Variants in ATP2A2 observed in about 807,000 individuals in gnomAD.
ATP2A2 encodes the protein ATPase sarcoplasmic/endoplasmic reticulum Ca2+ transporting 2, also known as sarcoplasmic/endoplasmic reticulum calcium ATPase 2.
ATP2A2 carries 14 observed loss-of-function variants against 109.3 expected under a neutral mutation model. The ratio of observed to expected loss-of-function variants is 0.13; its 90% CI spans 0.08 to 0.20. The LOEUF is 0.20. ATP2A2 is among the 10% of genes least tolerant of loss of function. The probability of loss-of-function intolerance (pLI) is 1.00; values close to 1 mark genes in which losing one functional copy is unlikely to be tolerated. For missense variants in ATP2A2, 657 were observed against 1,321.6 expected (o/e 0.50, Z 7.80); for synonymous variants, 506 against 490.9 (o/e 1.03, Z -0.41).
At chr12:110,344,519 T>G (rs1241905230) in intron 16 of ATP2A2, among the ~76,000 whole-genome samples, 1 of 152,128 alleles carries the variant, frequency 6.6e-6, no homozygotes, top group Non-Finnish European at 1.5e-5. Flanking sequence ...TGTAATCTAG[T>G]CCCTCAAACT....
At chr12:110,317,657 T>A (rs1221996913) in intron 5 of ATP2A2, among the ~76,000 whole-genome samples, 1 of 152,142 alleles carries the variant, frequency 6.6e-6, no homozygotes, top group African/African-American at 2.4e-5. Context: ...GGATTACAGG[T>A]GTGAGCCACC....
Position 110,281,300 on chromosome 12 carries a change from GCA to G in ATP2A2, c.-489_-488del, listed in dbSNP as rs1404143096. ...CGACGCCACCTCCTTTTCCTTCGCC[GCA>G]GTTTCCTCCGCCGCTGTCGGGCGTG... On this transcript the variant is annotated 5_prime_UTR_variant, in exon 1 of 20. Transcript: ENST00000539276. 1 of 151,598 alleles carries G rather than the reference GCA, an allele frequency of 6.6e-6. No homozygotes were observed. Among genetic ancestry groups the G allele is most frequent in the Non-Finnish European group, 1.5e-5 (1 of 67,870 alleles). 9.4% of individuals were successfully genotyped at this position (151,598 alleles called of 1,614,324 possible).
At position 110,348,604 on chromosome 12, in the gene ATP2A2, T is replaced by C. The variant is rs1880107298; in HGVS notation, c.*2134T>C. ...GTCCGTGGTTGGGTGTGGTGGCTCA[T>C]GCCTGTAAGTAAGTCTCAGCCCTTT... On this transcript the variant is annotated 3_prime_UTR_variant, in exon 20 of 20. Transcript: ENST00000539276. The C allele has an allele frequency of 4.1e-6, 4 of 985,440 alleles. No individual in the cohort carries two copies. The highest frequency in any genetic ancestry group is 4.8e-6 in the Non-Finnish European group (4 of 830,002). The allele number at this position is 985,440 out of a possible 1,614,324, so 61.0% of individuals were successfully genotyped here.
chr12:110,336,479 TG>T (rs1878857390), intron 11 of ATP2A2, among the ~76,000 whole-genome samples: 1 of 152,058 alleles, frequency 6.6e-6, no homozygotes. Context: ...CAGCCTGAGT[TG>T]GGAGGGAGCA....
Position 110,297,583 on chromosome 12 carries a change from C to T in ATP2A2, c.463+846C>T, listed in dbSNP as rs138287635. Among the ~76,000 whole-genome samples, 11 of 152,116 alleles carry T rather than the reference C, an allele frequency of 7.2e-5. 1 individual carries two copies. In the East Asian group the frequency reaches 2.1e-3, roughly 29 times the overall value. On this transcript the variant is annotated intron_variant, in intron 5 of 19. Coordinates refer to ENST00000539276, the MANE Select transcript of ATP2A2 (RefSeq NM_170665.4). Reference sequence around the variant, plus strand: ...TCCACAGACCTCCAAGGGTCAGTATCCTCACTGCTGTAGATTAGTGCTGTT... The same window carrying T: ...TCCACAGACCTCCAAGGGTCAGTATTCTCACTGCTGTAGATTAGTGCTGTT...
In ATP2A2 at chr12:110,340,661, C is replaced by G; in HGVS notation, c.1764C>G (p.Thr588=). 2 of 1,614,056 alleles carry G rather than the reference C, an allele frequency of 1.2e-6. No homozygotes were observed. Among genetic ancestry groups the G allele is most frequent in the Non-Finnish European group, 1.7e-6 (2 of 1,180,020 alleles). ...EDSANFIKYE[T]NLTFVGCVGM... ...TTAAAGTGATGCTCTTATTTTAGAC[C>G]AATCTGACCTTCGTTGGCTGCGTGG... The change falls in exon 14 of 20, where the codon ACC becomes ACG. Residue 588 remains threonine, a splice_region_variant and synonymous_variant. Coordinates refer to ENST00000539276, the MANE Select transcript of ATP2A2 (RefSeq NM_170665.4). The surrounding 1 kb of genome is among the most constrained non-coding windows in gnomAD (Gnocchi z 6.0).
chr12:110,293,864 G>GTGTATATATATATATATA (rs1262234570), intron 4 of ATP2A2, among the ~76,000 whole-genome samples: 1 of 84,890 alleles, frequency 1.2e-5, no homozygotes, highest in African/African-American at 6.4e-5. Flanking sequence ...GTGTGTGTGT[G>GTGTATATATATATATATA]TATATATTTT....
chr12:110,326,576 G>A, intron 7 of ATP2A2, 101 bp downstream of exon 7: 3 of 1,111,152 alleles, frequency 2.7e-6, no homozygotes, highest in Non-Finnish European at 2.6e-6. Flanking sequence ...TCATTCTAAA[G>A]GATAATCACA....
At chr12:110,324,562 T>G (rs1443305627) in intron 6 of ATP2A2, among the ~76,000 whole-genome samples, 1 of 152,144 alleles carries the variant, frequency 6.6e-6, no homozygotes, top group East Asian at 1.9e-4. Flanking sequence ...TCTGGGATTA[T>G]AGGCGTGCGC....
rs960166182 is a variant in ATP2A2, at chr12:110,281,589, G to T, written c.-201G>T. 4 of 354,776 alleles carry T rather than the reference G, an allele frequency of 1.1e-5. No homozygotes were observed. The highest frequency in any genetic ancestry group is 4.4e-5 in the African/African-American group (2 of 45,866). 22.0% of individuals were successfully genotyped at this position (354,776 alleles called of 1,614,324 possible). On this transcript the variant is annotated 5_prime_UTR_variant, in exon 1 of 20. Coordinates refer to ENST00000539276, the MANE Select transcript of ATP2A2 (RefSeq NM_170665.4). ...CCCCAACCCGCCCTGCGGAGCTCGG[G>T]GCCGCGCGAGGGGCGGTTGTCTGGG...
intron 3 of ATP2A2, among the ~76,000 whole-genome samples, chr12:110,286,709 A>C (rs2137685407): frequency 6.6e-6 from 1 of 151,412 alleles, no homozygotes; most frequent in African/African-American, 2.4e-5. Flanking sequence ...TTAAAAAAAA[A>C]AAAAAACTTG....
rs899022096 is a variant in ATP2A2 at position 110,325,137 on chromosome 12, A to T, written c.545-1253A>T. 4.0e-5 allele frequency among the ~76,000 whole-genome samples: 6 copies of T among 151,856 alleles called. 1 individual carries two copies. Among genetic ancestry groups the T allele is most frequent in the South Asian group, 4.2e-4 (2 of 4,808 alleles). On this transcript the variant is annotated intron_variant, in intron 6 of 19. Coordinates refer to ENST00000539276, the MANE Select transcript of ATP2A2 (RefSeq NM_170665.4). Reference sequence around the variant, plus strand: ...CTATAATAAAAAACTTTAAAAGTTTAAAAAAAAATTTAAACTTCATAGAGG... The same window carrying T: ...CTATAATAAAAAACTTTAAAAGTTTTAAAAAAAATTTAAACTTCATAGAGG...
At position 110,327,841 on chromosome 12, in the gene ATP2A2, A is replaced by G. The variant is rs1877956692; in HGVS notation, c.919A>G (p.Ile307Val). Residue 307 changes from isoleucine (I) to valine (V), a missense_variant, in exon 8 of 20, where the codon ATT becomes GTT. Coordinates refer to ENST00000539276, the MANE Select transcript of ATP2A2 (RefSeq NM_170665.4). The surrounding 1 kb of genome is among the most constrained non-coding windows in gnomAD (Gnocchi z 4.4). ...TGCAGTGGCCCTGGCTGTAGCAGCC[A>G]TTCCTGAAGGTCTGCCTGCAGTCAT... is the stretch of plus-strand genomic sequence containing the variant. ...KIAVALAVAA[I>V]PEGLPAVITT... 6.2e-7 allele frequency: 1 copy of G among 1,614,064 alleles called. No individual in the cohort carries two copies. Among genetic ancestry groups the G allele is most frequent in the African/African-American group, 1.3e-5 (1 of 74,914 alleles).
intron 11 of ATP2A2, among the ~76,000 whole-genome samples, chr12:110,336,386 G>A (rs1878847738): frequency 6.6e-6 from 1 of 152,182 alleles, no homozygotes; most frequent in Non-Finnish European, 1.5e-5. Context: ...CACGTTTAAT[G>A]CTTTTTGTAT....
rs1880173405 is a variant in ATP2A2, at chr12:110,349,225, C to A, written c.*2755C>A. ...CCTCCTCAGGTCAACCCATAAAGACCAGGTCCAGCACCGTGGTCTTGGCAC... is the reference window on the plus strand; with the variant it reads ...CCTCCTCAGGTCAACCCATAAAGACAAGGTCCAGCACCGTGGTCTTGGCAC... On this transcript the variant is annotated 3_prime_UTR_variant, in exon 20 of 20. Transcript: ENST00000539276. 42 of 985,568 alleles carry A rather than the reference C, an allele frequency of 4.3e-5. No individual in the cohort carries two copies. The highest frequency in any genetic ancestry group is 4.9e-5 in the Non-Finnish European group (41 of 830,018). The allele number at this position is 985,568 out of a possible 1,614,324, so 61.1% of individuals were successfully genotyped here.
At chr12:110,325,776 G>A (rs987318370) in intron 6 of ATP2A2, 5 of 156,622 alleles carry the variant, frequency 3.2e-5, no homozygotes, top group Non-Finnish European at 7.1e-5. Context: ...TTGAGTCCAC[G>A]AGTTGGAGAC....
intron 4 of ATP2A2, among the ~76,000 whole-genome samples, chr12:110,294,875 A>G (rs1056706917): frequency 4.6e-5 from 7 of 151,866 alleles, no homozygotes; most frequent in Non-Finnish European, 8.8e-5. Flanking sequence ...GCTGGAGTGC[A>G]GTGGCACGAT....
intron 5 of ATP2A2, among the ~76,000 whole-genome samples, chr12:110,301,975 G>A (rs964784024): frequency 1.3e-5 from 2 of 151,876 alleles, no homozygotes; most frequent in Non-Finnish European, 2.9e-5. Context: ...GACCTATCTC[G>A]CTTTCTCACA....
chr12:110,338,111 G>A (rs1047899450), intron 11 of ATP2A2, among the ~76,000 whole-genome samples: 1 of 152,164 alleles, frequency 6.6e-6, no homozygotes. Flanking sequence ...GGTCTTTGTA[G>A]CTGGGTCTTT....
Sources: allele counts gnomAD v4.1 joint callset (sites outside exome capture counted in the v4.1 genomes callset), GRCh38; gene constraint gnomAD v4.1.1; non-coding constraint Gnocchi (gnomAD v3.1); transcripts MANE v1.5; gene names NCBI Gene and HGNC (gene_info 2026-07-23, HGNC 2026-07-21).